Variants in ANKS1B observed in about 807,000 individuals in gnomAD.
The protein encoded by ANKS1B is ankyrin repeat and sterile alpha motif domain containing 1B, also known as ankyrin repeat and sterile alpha motif domain-containing protein 1B.
ANKS1B carries 36 observed loss-of-function variants against 148.3 expected under a neutral mutation model. The observed-to-expected ratio is 0.24, with a 90% CI of 0.19 to 0.32. The LOEUF is 0.32. ANKS1B is among the 10% of genes least tolerant of loss of function. The probability of loss-of-function intolerance (pLI) is 1.00; values close to 1 mark genes in which losing one functional copy is unlikely to be tolerated. For missense variants in ANKS1B, 1,157 were observed against 1,542.6 expected (o/e 0.75, Z 4.19); for synonymous variants, 542 against 560.8 (o/e 0.97, Z 0.47).
chr12:99,476,392 A>C (rs916087567), intron 10 of ANKS1B, among the ~76,000 whole-genome samples: 16 of 152,340 alleles, frequency 1.1e-4, no homozygotes, highest in Non-Finnish European at 1.9e-4. Context: ...CTCTGTCTCA[A>C]AAATAAAATA....
At chr12:99,454,777 T>C (rs994513478) in intron 10 of ANKS1B, among the ~76,000 whole-genome samples, 2 of 152,130 alleles carry the variant, frequency 1.3e-5, no homozygotes, top group Admixed American at 1.3e-4. Context: ...TTTACCTTCC[T>C]CCTCCCAGGA....
At chr12:99,339,622 T>A (rs2089567116) in intron 12 of ANKS1B, among the ~76,000 whole-genome samples, 1 of 152,182 alleles carries the variant, frequency 6.6e-6, no homozygotes, top group Non-Finnish European at 1.5e-5. Flanking sequence ...TCCCTATTTC[T>A]TCAAGCTTTT....
rs1205186601 is a variant in ANKS1B, at chr12:98,897,693, C to T, written c.2779-65557G>A. Among the ~76,000 whole-genome samples the T allele has an allele frequency of 6.6e-5, 10 of 152,260 alleles. No individual in the cohort carries two copies. In the East Asian group the frequency reaches 1.3e-3, roughly 21 times the overall value. ...AAGAGCTATAAACAGAACTACCATT[C>T]GACCCAGCAATCCCAATACTGGGTA... On this transcript the variant is annotated intron_variant, in intron 17 of 26. Coordinates refer to ENST00000683438, the MANE Select transcript of ANKS1B (RefSeq NM_001352186.2).
chr12:99,869,345 ACAGAAG>A (rs2091180733), intron 1 of ANKS1B, among the ~76,000 whole-genome samples: 1 of 152,092 alleles, frequency 6.6e-6, no homozygotes, highest in Non-Finnish European at 1.5e-5. Flanking sequence ...AACCAATGAA[ACAGAAG>A]AGGGTGCAAA....
chr12:98,965,930 A>G (rs1004599603), intron 17 of ANKS1B, among the ~76,000 whole-genome samples: 4 of 152,330 alleles, frequency 2.6e-5, no homozygotes, highest in African/African-American at 9.6e-5. Flanking sequence ...TGTTAGACCT[A>G]ATACCATAAA....
At chr12:99,909,727 T>C (rs1273552172) in intron 1 of ANKS1B, among the ~76,000 whole-genome samples, 1 of 152,224 alleles carries the variant, frequency 6.6e-6, no homozygotes, top group Non-Finnish European at 1.5e-5. Flanking sequence ...GGGTCTTTTA[T>C]GTTTCCATAC....
At chr12:99,781,361 T>C (rs949500639) in intron 5 of ANKS1B, among the ~76,000 whole-genome samples, 3 of 152,108 alleles carry the variant, frequency 2.0e-5, no homozygotes, top group Admixed American at 2.0e-4. Context: ...CATGAAAAAT[T>C]CCATCAGTTG....
chr12:99,017,098 T>A lies in ANKS1B; in HGVS notation c.2778+36059A>T, dbSNP rs563029375. ...AATTCTAGGCTCCTAACTAACTGAA[T>A]GGATTCCCCTCTTGGCCAAGGGTGA... is the stretch of plus-strand genomic sequence containing the variant. On this transcript the variant is annotated intron_variant, in intron 17 of 26. Coordinates refer to ENST00000683438, the MANE Select transcript of ANKS1B (RefSeq NM_001352186.2). Among the ~76,000 whole-genome samples, 22 of 152,330 alleles carry A rather than the reference T, an allele frequency of 1.4e-4. No homozygotes were observed. The South Asian group carries it at 2.1e-3, about 14-fold the overall frequency.
chr12:99,949,067 C>T (rs2095146744), intron 1 of ANKS1B, among the ~76,000 whole-genome samples: 1 of 152,138 alleles, frequency 6.6e-6, no homozygotes, highest in African/African-American at 2.4e-5. Flanking sequence ...CTCTTAAGAG[C>T]CATATGAAAT....
chr12:98,766,169 C>G (rs2098478094), intron 25 of ANKS1B, among the ~76,000 whole-genome samples: 1 of 152,230 alleles, frequency 6.6e-6, no homozygotes, highest in South Asian at 2.1e-4. Flanking sequence ...CTCTGAATAT[C>G]CAACCACCTT....
rs117293246 is a variant in ANKS1B at position 99,057,419 on chromosome 12, C to T, written c.2626-4110G>A. Reference sequence around the variant, plus strand: ...TGCCATTGGCTGCTAGTCTTTTCAGCTTCCAATCAAAGCTCTCCTCTCTCA... The same window carrying T: ...TGCCATTGGCTGCTAGTCTTTTCAGTTTCCAATCAAAGCTCTCCTCTCTCA... On this transcript the variant is annotated intron_variant, in intron 16 of 26. Coordinates refer to ENST00000683438, the MANE Select transcript of ANKS1B (RefSeq NM_001352186.2). Among the ~76,000 whole-genome samples, 614 of 152,326 alleles carry T rather than the reference C, an allele frequency of 4.0e-3. 24 individuals carry two copies. In the East Asian group the frequency reaches 0.084, roughly 21 times the overall value.
Position 99,836,229 on chromosome 12 carries a change from GCACAA to G in ANKS1B, c.135-10845_135-10841del, listed in dbSNP as rs138005955. On this transcript the variant is annotated intron_variant, in intron 1 of 26. Coordinates refer to ENST00000683438, the MANE Select transcript of ANKS1B (RefSeq NM_001352186.2). ...CATACAGACACATACACACACACAC[GCACAA>G]AAGCTTTCTAAAAATAACTGCAAAC... Among the ~76,000 whole-genome samples the G allele has an allele frequency of 1.6e-3, 238 of 151,952 alleles. 1 individual carries two copies. Among genetic ancestry groups the G allele is most frequent in the Non-Finnish European group, 2.9e-3 (194 of 67,908 alleles).
intron 9 of ANKS1B, among the ~76,000 whole-genome samples, chr12:99,519,467 A>AT (rs1313486264): frequency 6.6e-6 from 1 of 152,148 alleles, no homozygotes; most frequent in East Asian, 1.9e-4. Flanking sequence ...TTATCATTAT[A>AT]TAACGACCTT....
Position 99,573,834 on chromosome 12 carries a change from G to C in ANKS1B, c.1273-69193C>G, listed in dbSNP as rs148324930. ...TAAATGAACTGTCCATGTTCCTCTAGTGAAGTCAATACGTCCACCTATTCA... is the reference window on the plus strand; with the variant it reads ...TAAATGAACTGTCCATGTTCCTCTACTGAAGTCAATACGTCCACCTATTCA... On this transcript the variant is annotated intron_variant, in intron 9 of 26. Transcript: ENST00000683438. 3.3e-5 allele frequency among the ~76,000 whole-genome samples: 5 copies of C among 152,074 alleles called. No individual in the cohort carries two copies. In the East Asian group the frequency reaches 9.7e-4, roughly 29 times the overall value.
At chr12:99,578,713 G>A (rs2097541604) in intron 9 of ANKS1B, among the ~76,000 whole-genome samples, 1 of 151,902 alleles carries the variant, frequency 6.6e-6, no homozygotes, top group Non-Finnish European at 1.5e-5. Flanking sequence ...ATAAACATAT[G>A]GAAAAACATT....
chr12:99,643,905 TGCTTTCA>T (rs1567547938), intron 9 of ANKS1B, among the ~76,000 whole-genome samples: 1 of 152,262 alleles, frequency 6.6e-6, no homozygotes, highest in Non-Finnish European at 1.5e-5. Context: ...TATCTAGCCA[TGCTTTCA>T]GCTTTCTCTC....
intron 17 of ANKS1B, among the ~76,000 whole-genome samples, chr12:98,849,779 A>G (rs765660269): frequency 2.4e-4 from 37 of 152,238 alleles, no homozygotes; most frequent in Non-Finnish European, 4.1e-4. Flanking sequence ...GCTCCCATTT[A>G]TGAGGATTTT....
chr12:99,520,645 C>T (rs2096866055), intron 9 of ANKS1B, among the ~76,000 whole-genome samples: 1 of 152,110 alleles, frequency 6.6e-6, no homozygotes, highest in Admixed American at 6.6e-5. Flanking sequence ...AGTATTATCC[C>T]TTTGAATAAA....
At chr12:99,315,739 T>A (rs1399958830) in intron 12 of ANKS1B, among the ~76,000 whole-genome samples, 1 of 152,172 alleles carries the variant, frequency 6.6e-6, no homozygotes, top group Non-Finnish European at 1.5e-5. Flanking sequence ...GTTACATAGG[T>A]ATACATGTGC....
Sources: gnomAD v4.1 joint callset for allele counts (sites outside exome capture counted in the v4.1 genomes callset) on GRCh38, gnomAD v4.1.1 for gene constraint, MANE v1.5 for transcripts, NCBI Gene and HGNC (gene_info 2026-07-23, HGNC 2026-07-21) for gene names.